The following FARSB variants were observed in gnomAD, a reference collection of about 807,000 sequenced individuals.
FARSB encodes the protein phenylalanyl-tRNA synthetase subunit beta.
FARSB carries 40 observed loss-of-function variants against 69.6 expected under a neutral mutation model. That is an observed-to-expected ratio of 0.57 (90% CI 0.45 to 0.75). The LOEUF (loss-of-function observed/expected upper bound fraction) is 0.75. FARSB is among the 30% of genes least tolerant of loss of function. The pLI, the probability that FARSB is intolerant of heterozygous loss-of-function variation, is 0.00. For missense variants in FARSB, 632 were observed against 722.9 expected (o/e 0.87, Z 1.44); for synonymous variants, 235 against 247.2 (o/e 0.95, Z 0.46).
intron 16 of FARSB, among the ~76,000 whole-genome samples, chr2:222,587,038 A>T (rs2106185846): frequency 6.6e-6 from 1 of 152,330 alleles, no homozygotes; most frequent in East Asian, 1.9e-4. Flanking sequence ...CTCCATCCCA[A>T]ATCAACAGAA....
chr2:222,650,514 G>C (rs553206881), intron 1 of FARSB, among the ~76,000 whole-genome samples: 1 of 152,318 alleles, frequency 6.6e-6, no homozygotes, highest in South Asian at 2.1e-4. Context: ...AGGCTCGATG[G>C]CCGAATGATG....
chr2:222,621,936 C>T (rs553393559), intron 13 of FARSB, among the ~76,000 whole-genome samples: 1 of 152,326 alleles, frequency 6.6e-6, no homozygotes, highest in East Asian at 1.9e-4. Context: ...TCTCTTCCCC[C>T]CAGTGATAAA....
chr2:222,633,474 G>A (rs1691491600), intron 6 of FARSB, among the ~76,000 whole-genome samples, 167 bp from the exon 7 acceptor site: 1 of 151,762 alleles, frequency 6.6e-6, no homozygotes, highest in African/African-American at 2.4e-5. Context: ...CCTGAGGTTG[G>A]GAGTTCAAGA....
chr2:222,650,136 C>G (rs1017847107), intron 1 of FARSB, among the ~76,000 whole-genome samples: 1 of 152,202 alleles, frequency 6.6e-6, no homozygotes, highest in South Asian at 2.1e-4. Context: ...AGGATGAGTT[C>G]GTTAGGCAGA....
intron 13 of FARSB, among the ~76,000 whole-genome samples, chr2:222,622,296 T>C (rs971205935): frequency 3.9e-5 from 6 of 152,130 alleles, no homozygotes; most frequent in Non-Finnish European, 5.9e-5. Context: ...GTAATAAGTA[T>C]AAAGTATAAG....
Position 222,625,094 on chromosome 2 carries a change from C to T in FARSB, c.901-319G>A, listed in dbSNP as rs143421794. 6.5e-3 allele frequency among the ~76,000 whole-genome samples: 996 copies of T among 152,270 alleles called. 12 individuals carry two copies. Among genetic ancestry groups the T allele is most frequent in the African/African-American group, 0.023 (965 of 41,548 alleles). On this transcript the variant is annotated intron_variant, in intron 10 of 16. Coordinates refer to ENST00000281828, the MANE Select transcript of FARSB (RefSeq NM_005687.5). ...CTGTTGTGCTACATCATTCCAAAGACGTTTATAAATCCTGCTAAAGATTTT... is the reference window on the plus strand; with the variant it reads ...CTGTTGTGCTACATCATTCCAAAGATGTTTATAAATCCTGCTAAAGATTTT...
At position 222,569,671 on chromosome 2, in the gene FARSB, C is replaced by G. The variant is rs549963087; in HGVS notation, c.*2200G>C. On this transcript the variant is annotated 3_prime_UTR_variant, in exon 17 of 17. Coordinates refer to ENST00000281828, the MANE Select transcript of FARSB (RefSeq NM_005687.5). ...TCAGTTCTCTTTCCTGAGGTCCTGC[C>G]GACCACCTGCTTTTGACTTTTTTAG... 6.6e-6 allele frequency: 1 copy of G among 152,118 alleles called. No individual in the cohort carries two copies. Among genetic ancestry groups the G allele is most frequent in the African/African-American group, 2.4e-5 (1 of 41,424 alleles). The allele number at this position is 152,118 out of a possible 1,614,324, so 9.4% of individuals were successfully genotyped here.
intron 2 of FARSB, among the ~76,000 whole-genome samples, chr2:222,647,277 C>G (rs896971997): frequency 1.1e-4 from 16 of 152,200 alleles, no homozygotes; most frequent in Middle Eastern, 3.2e-3. Flanking sequence ...GATGGGACAG[C>G]TAGCCTCTGC....
At chr2:222,645,445 G>A (rs577626361) in intron 2 of FARSB, among the ~76,000 whole-genome samples, 6 of 152,136 alleles carry the variant, frequency 3.9e-5, no homozygotes, top group Non-Finnish European at 7.4e-5. Flanking sequence ...TGTAACATTA[G>A]TAAGGCAGCA....
chr2:222,627,107 T>C (rs1285035209), intron 10 of FARSB, among the ~76,000 whole-genome samples: 2 of 152,162 alleles, frequency 1.3e-5, no homozygotes, highest in African/African-American at 2.4e-5. Context: ...TAAAAAGCTA[T>C]GTCCAGCTAA....
At chr2:222,578,946 C>A (rs1689903154) in intron 16 of FARSB, among the ~76,000 whole-genome samples, 1 of 152,156 alleles carries the variant, frequency 6.6e-6, no homozygotes, top group South Asian at 2.1e-4. Flanking sequence ...CTCACCACTG[C>A]ACTCCAGCCT....
intron 13 of FARSB, 57 bp downstream of exon 13, chr2:222,623,593 T>A (rs1691193937): frequency 4.3e-6 from 4 of 930,916 alleles, no homozygotes; most frequent in Non-Finnish European, 7.2e-6. Flanking sequence ...ATAGAATAAA[T>A]AATTCAGAGA....
chr2:222,639,552 A>G (rs752001251), intron 5 of FARSB, 28 bp downstream of exon 5: 1 of 1,094,444 alleles, frequency 9.1e-7, no homozygotes, highest in Non-Finnish European at 1.4e-6. Context: ...AGGGGAAGGC[A>G]AGGAAGAAAG....
At chr2:222,604,217 T>TA (rs781762522) in intron 15 of FARSB, among the ~76,000 whole-genome samples, 2,684 of 130,782 alleles carry the variant, frequency 0.021, 37 homozygotes, top group African/African-American at 0.048. Flanking sequence ...GACTCCGTCT[T>TA]AAAAAAAAAA....
At position 222,605,161 on chromosome 2, in the gene FARSB, TTC is replaced by T. The variant is rs71053093; in HGVS notation, c.1463-5080_1463-5079del. ...TGATTCCACTGTAGGAATACAAACT[TTC>T]TCTCTCTCTCTCTCTCTCTCTCTCT... is the stretch of plus-strand genomic sequence containing the variant. On this transcript the variant is annotated intron_variant, in intron 15 of 16. Transcript: ENST00000281828. Among the ~76,000 whole-genome samples the T allele has an allele frequency of 1.7e-3, 222 of 132,652 alleles. 1 individual carries two copies. Among genetic ancestry groups the T allele is most frequent in the African/African-American group, 3.0e-3 (101 of 33,544 alleles). 87.0% of individuals were successfully genotyped at this position (132,652 alleles called of 152,430 possible). A position where few individuals can be genotyped will look rare whatever the true frequency, so the allele number is the denominator to read the frequency against.
intron 16 of FARSB, among the ~76,000 whole-genome samples, chr2:222,581,875 T>C (rs1689980245): frequency 6.6e-6 from 1 of 152,320 alleles, no homozygotes; most frequent in East Asian, 1.9e-4. Flanking sequence ...AAAACTACAG[T>C]GAGACACCAT....
chr2:222,610,897 C>A (rs1690831819), intron 15 of FARSB, among the ~76,000 whole-genome samples: 1 of 152,176 alleles, frequency 6.6e-6, no homozygotes, highest in South Asian at 2.1e-4. Flanking sequence ...AGAACCATGA[C>A]TCAAAGCCAA....
intron 15 of FARSB, among the ~76,000 whole-genome samples, chr2:222,603,151 A>T (rs1178276439): frequency 6.6e-6 from 1 of 152,192 alleles, no homozygotes; most frequent in East Asian, 1.9e-4. Context: ...TAACACAAAC[A>T]TAGAACGAAT....
chr2:222,567,805 G>A lies in FARSB; in HGVS notation c.*4066C>T, dbSNP rs186288269. On this transcript the variant is annotated 3_prime_UTR_variant, in exon 17 of 17. Transcript: ENST00000281828. ...ACCCATTAGGACTGGTTTTCCTTGG[G>A]GTCCTAAGCCAGTGCTATTTAGCAG... The A allele has an allele frequency of 6.6e-6, 1 of 152,226 alleles. No homozygotes were observed. The highest frequency in any genetic ancestry group is 1.5e-5 in the Non-Finnish European group (1 of 68,012). The allele number at this position is 152,226 out of a possible 1,614,324, so 9.4% of individuals were successfully genotyped here.
Sources: gnomAD v4.1 joint callset for allele counts (sites outside exome capture counted in the v4.1 genomes callset) on GRCh38, gnomAD v4.1.1 for gene constraint, MANE v1.5 for transcripts, NCBI Gene and HGNC (gene_info 2026-07-23, HGNC 2026-07-21) for gene names.